Variants in FAM153A observed in about 807,000 individuals in gnomAD.
FAM153A encodes family with sequence similarity 153 member A, also known as protein FAM153A.
FAM153A carries 12 observed loss-of-function variants against 48.1 expected under a neutral mutation model. The observed-to-expected ratio is 0.25, with a 90% CI of 0.16 to 0.40. FAM153A has a LOEUF of 0.40. Among genes scored for constraint, FAM153A ranks in the 10% least tolerant of loss-of-function variants. The pLI is 1.00. For synonymous variants in FAM153A, 36 were observed against 118.2 expected (o/e 0.30, Z 4.51); for missense variants, 111 against 345.8 (o/e 0.32, Z 5.38).
intron 1 of FAM153A, among the ~76,000 whole-genome samples, chr5:177,759,730 C>G (rs1051704474): frequency 4.7e-4 from 71 of 151,080 alleles, no homozygotes; most frequent in Non-Finnish European, 7.9e-4. Flanking sequence ...AACCAAATAC[C>G]ACATGTTCTC....
chr5:177,753,128 G>C, intron 1 of FAM153A: 1 of 1,550,592 alleles, frequency 6.4e-7, no homozygotes, highest in Non-Finnish European at 8.8e-7. Flanking sequence ...AGGAAAACTG[G>C]CTCATCTGAA....
intron 18 of FAM153A, among the ~76,000 whole-genome samples, chr5:177,725,635 AG>A (rs1484308232): frequency 6.6e-6 from 1 of 151,400 alleles, no homozygotes; most frequent in Non-Finnish European, 1.5e-5. Context: ...GACCTGACAC[AG>A]AGAACAATCT....
the FAM153A span, among the ~76,000 whole-genome samples, chr5:177,698,280 T>C: frequency 3.9e-5 from 6 of 151,976 alleles, no homozygotes; most frequent in African/African-American, 1.5e-4. Flanking sequence ...TTTATAATCA[T>C]GATGTGAATT....
intron 1 of FAM153A, among the ~76,000 whole-genome samples, chr5:177,762,576 C>CG (rs1768392342): frequency 6.7e-6 from 1 of 149,640 alleles, no homozygotes; most frequent in Non-Finnish European, 1.5e-5. Context: ...AGGTCCCAGG[C>CG]GGGGCTGACA....
chr5:177,758,467 A>G (rs1017955945), intron 1 of FAM153A, among the ~76,000 whole-genome samples: 2 of 145,254 alleles, frequency 1.4e-5, no homozygotes, highest in Non-Finnish European at 3.1e-5. Context: ...CTGAATTGGA[A>G]AAAACTACTT....
upstream of FAM153A, among the ~76,000 whole-genome samples, chr5:177,754,932 C>G (rs565006526): frequency 9.9e-5 from 15 of 152,004 alleles, no homozygotes; most frequent in African/African-American, 3.1e-4. Context: ...CAGAGTGCCT[C>G]TCCTCCTCCA....
intron 26 of FAM153A, chr5:177,713,598 TGAG>T (rs1025343207): frequency 1.3e-5 from 2 of 151,660 alleles, no homozygotes; most frequent in African/African-American, 4.9e-5. Context: ...AGCTGGGTGC[TGAG>T]GAGATGATGT....
chr5:177,756,260 G>A (rs1398795473), upstream of FAM153A, among the ~76,000 whole-genome samples: 2 of 148,794 alleles, frequency 1.3e-5, no homozygotes, highest in Admixed American at 6.7e-5. Flanking sequence ...TAATGGTAAA[G>A]GGATCAATTC....
At chr5:177,756,263 A>G, upstream of FAM153A, among the ~76,000 whole-genome samples, 1 of 149,192 alleles carries the variant, frequency 6.7e-6, no homozygotes, top group Non-Finnish European at 1.5e-5. Context: ...TGGTAAAGGG[A>G]TCAATTCAAC....
intron 10 of FAM153A, 137 bp downstream of exon 12, chr5:177,738,976 G>GA (rs1215180454): frequency 1.5e-4 from 85 of 574,846 alleles, no homozygotes; most frequent in Non-Finnish European, 4.0e-5. Context: ...TACACTCTTA[G>GA]AAATTTCTTC....
intron 25 of FAM153A, among the ~76,000 whole-genome samples, chr5:177,715,922 T>C (rs1335212233): frequency 6.6e-6 from 1 of 151,620 alleles, no homozygotes; most frequent in Non-Finnish European, 1.5e-5. Flanking sequence ...GTAACCCTCA[T>C]ACCTTGGCCT....
chr5:177,710,723 T>G (rs1324910028), downstream of FAM153A, among the ~76,000 whole-genome samples: 2 of 141,866 alleles, frequency 1.4e-5, no homozygotes, highest in Non-Finnish European at 3.1e-5. Flanking sequence ...ACCAGCCTGG[T>G]CAACATGGTG....
intron 25 of FAM153A, among the ~76,000 whole-genome samples, chr5:177,715,284 C>G (rs1211917321): frequency 6.8e-6 from 1 of 146,826 alleles, no homozygotes; most frequent in African/African-American, 2.5e-5. Context: ...ACCCGGCCAT[C>G]TCTATTTCTT....
In FAM153A at chr5:177,738,356, T is replaced by G. The variant is rs1765022194; in HGVS notation, c.562+757A>C. ...CAGCCAAAAGCCTGACCTCGCAATGTCTGTTTCCCATGTGTCACCACACCA... is the reference window on the plus strand; with the variant it reads ...CAGCCAAAAGCCTGACCTCGCAATGGCTGTTTCCCATGTGTCACCACACCA... On this transcript the variant is annotated intron_variant, in intron 10 of 20. Transcript: ENST00000614127. Among the ~76,000 whole-genome samples, 2 of 151,426 alleles carry G rather than the reference T, an allele frequency of 1.3e-5. 1 individual carries two copies. Among genetic ancestry groups the G allele is most frequent in the African/African-American group, 4.9e-5 (2 of 40,724 alleles).
At chr5:177,722,472 T>TCAA (rs1224793671), downstream of FAM153A, 1 of 142,182 alleles carries the variant, frequency 7.0e-6, no homozygotes, top group Non-Finnish European at 1.5e-5. Flanking sequence ...TTATAAAAGT[T>TCAA]TTTGGAGTAA....
chr5:177,727,296 CA>C (rs1762780086), intron 18 of FAM153A, among the ~76,000 whole-genome samples: 1 of 117,334 alleles, frequency 8.5e-6, no homozygotes, highest in Non-Finnish European at 1.7e-5. Context: ...GCCTCTTCTG[CA>C]AGGAGAAAAG....
intron 1 of FAM153A, among the ~76,000 whole-genome samples, chr5:177,763,775 C>T (rs1260923581): frequency 2.3e-5 from 3 of 133,180 alleles, no homozygotes; most frequent in Non-Finnish European, 3.2e-5. Flanking sequence ...CAGGGCCCAG[C>T]GAGGTCAGCA....
intron 10 of FAM153A, among the ~76,000 whole-genome samples, chr5:177,738,130 A>G (rs7380165): frequency 0.39 from 59,004 of 150,872 alleles, 12,884 homozygotes; most frequent in East Asian, 0.56. Context: ...ACCCAGCTGT[A>G]TAGAAGAGTC....
At chr5:177,701,185 C>T in the FAM153A span, among the ~76,000 whole-genome samples, 5 of 151,900 alleles carry the variant, frequency 3.3e-5, no homozygotes, top group African/African-American at 4.9e-5. Flanking sequence ...GGAAGCTTCT[C>T]GAGGCCTCCC....
Sources: allele counts gnomAD v4.1 joint callset (sites outside exome capture counted in the v4.1 genomes callset), GRCh38; gene constraint gnomAD v4.1.1; transcripts MANE v1.5; gene names NCBI Gene and HGNC (gene_info 2026-07-23, HGNC 2026-07-21).